PMM1: variants seen among roughly 807,000 people sequenced by gnomAD.
PMM1 encodes brain glucose-1,6-bisphosphatase.
Under a neutral mutation model 34.0 loss-of-function variants are expected in PMM1, and 25 were observed. The observed-to-expected ratio is 0.73, with a 90% CI of 0.54 to 1.03. The LOEUF is 1.03. Among genes scored for constraint, PMM1 ranks in the 50% least tolerant of loss-of-function variants. The pLI, the probability that PMM1 is intolerant of heterozygous loss-of-function variation, is 0.00. For synonymous variants in PMM1, 134 were observed against 143.9 expected (o/e 0.93, Z 0.49); for missense variants, 321 against 350.1 (o/e 0.92, Z 0.66).
intron 5 of PMM1, chr22:41,579,597 C>T (rs1309475532): frequency 6.6e-6 from 1 of 152,580 alleles, no homozygotes; most frequent in Non-Finnish European, 1.5e-5. Flanking sequence ...CGAGACCGGG[C>T]TGGGAAGTCT....
intron 7 of PMM1, 131 bp downstream of exon 7, chr22:41,577,677 C>A (rs980570516): frequency 1.5e-5 from 12 of 774,504 alleles, no homozygotes; most frequent in Non-Finnish European, 4.3e-6. Context: ...TCTCCAGGAG[C>A]CCCCTAAGAG....
chr22:41,589,577 C>T, intron 1 of PMM1, 142 bp downstream of exon 1: 2 of 702,236 alleles, frequency 2.8e-6, no homozygotes, highest in Non-Finnish European at 4.8e-6. Context: ...TGGGTGGCCC[C>T]GGATGTCAGG....
At chr22:41,588,452 A>G (rs1354712506) in intron 1 of PMM1, among the ~76,000 whole-genome samples, 2 of 152,312 alleles carry the variant, frequency 1.3e-5, no homozygotes, top group East Asian at 3.9e-4. Flanking sequence ...AACTCCTGAC[A>G]TCGTGATCTG....
chr22:41,589,770 C>G lies in PMM1; in HGVS notation c.36G>C (p.Glu12Asp). The G allele has an allele frequency of 6.2e-7, 1 of 1,610,978 alleles. No homozygotes were observed. The highest frequency in any genetic ancestry group is 8.5e-7 in the Non-Finnish European group (1 of 1,179,292). ...AVTAQAARRKERVLCLFDVDG... is the reference protein window; with the variant it reads ...AVTAQAARRKDRVLCLFDVDG... Reference sequence around the variant, plus strand: ...CCACGTCAAACAGGCAGAGGACGCGCTCCTTCCTGCGGGCTGCCTGGGCGG... The same window carrying G: ...CCACGTCAAACAGGCAGAGGACGCGGTCCTTCCTGCGGGCTGCCTGGGCGG... The change falls in exon 1 of 8, where the codon GAG becomes GAC. Residue 12 changes from glutamate to aspartate, a missense_variant. Physicochemically the swap from Glu to Asp is conservative, Grantham distance 45 (BLOSUM62 2). Coordinates refer to ENST00000216259, the MANE Select transcript of PMM1 (RefSeq NM_002676.3).
At chr22:41,587,326 G>C (rs1412394129) in intron 1 of PMM1, among the ~76,000 whole-genome samples, 2 of 151,132 alleles carry the variant, frequency 1.3e-5, no homozygotes, top group African/African-American at 4.9e-5. Flanking sequence ...TGTAATCCCA[G>C]CTACTCAGGA....
At chr22:41,589,595 G>T (rs1266905403) in intron 1 of PMM1, 124 bp downstream of exon 1, 8 of 817,856 alleles carry the variant, frequency 9.8e-6, no homozygotes, top group Admixed American at 2.6e-5. Flanking sequence ...AGGGGGCCGG[G>T]TACCGCCGCA....
chr22:41,582,022 T>A (rs941809300), intron 5 of PMM1, among the ~76,000 whole-genome samples: 9 of 149,816 alleles, frequency 6.0e-5, no homozygotes, highest in Non-Finnish European at 1.2e-4. Flanking sequence ...CATGTGCCTG[T>A]AGTCCCAGAT....
chr22:41,584,434 G>GT, intron 3 of PMM1, 62 bp from the exon 4 acceptor site: 2 of 1,567,888 alleles, frequency 1.3e-6, no homozygotes, highest in Non-Finnish European at 1.8e-6. Flanking sequence ...GACAGGCACA[G>GT]TGTCTCTCCC....
At chr22:41,589,590 G>A in intron 1 of PMM1, 129 bp downstream of exon 1, 3 of 770,810 alleles carry the variant, frequency 3.9e-6, no homozygotes, top group Non-Finnish European at 4.2e-6. Flanking sequence ...ATGTCAGGGG[G>A]CCGGGTACCG....
At position 41,577,873 on chromosome 22, in the gene PMM1, A is replaced by G; in HGVS notation, c.601T>C (p.Cys201Arg). 6.2e-7 allele frequency: 1 copy of G among 1,613,564 alleles called. No individual in the cohort carries two copies. The highest frequency in any genetic ancestry group is 8.5e-7 in the Non-Finnish European group (1 of 1,179,988). The change falls in exon 7 of 8, where the codon TGC becomes CGC. Residue 201 changes from cysteine to arginine, a missense_variant. Cys to Arg is a radical substitution (Grantham distance 180). Transcript: ENST00000216259. ...CTGTCCTGGTCCAGGCTATCCAGGC[A>G]GTAGCGCTTGTCCCAGCCCTCGGGG... The part of the protein sequence containing the change: ...VFPEGWDKRY[C>R]LDSLDQDSFD...
At chr22:41,578,389 G>A (rs1423037899) in intron 6 of PMM1, among the ~76,000 whole-genome samples, 1 of 152,192 alleles carries the variant, frequency 6.6e-6, no homozygotes, top group Non-Finnish European at 1.5e-5. Flanking sequence ...GGCCACTGGG[G>A]AATGGGTGAG....
intron 3 of PMM1, 28 bp from the exon 4 acceptor site, chr22:41,584,400 G>A (rs377471692): frequency 1.2e-5 from 19 of 1,607,286 alleles, no homozygotes; most frequent in East Asian, 4.5e-5. Flanking sequence ...GGCTCTGAGC[G>A]TGGCCTGGGC....
intron 6 of PMM1, 29 bp from the exon 7 acceptor site, chr22:41,577,952 C>T (rs1193554745): frequency 5.8e-6 from 9 of 1,539,442 alleles, no homozygotes; most frequent in Non-Finnish European, 8.1e-6. Context: ...ACTGTTATTC[C>T]CTGCTGGGAG....
chr22:41,580,643 G>C (rs759470494), intron 5 of PMM1: 57 of 152,154 alleles, frequency 3.7e-4, no homozygotes, highest in African/African-American at 1.3e-3. Context: ...CGTGTATTGG[G>C]GGGGAAGGGT....
chr22:41,581,818 C>T (rs2067250034), intron 5 of PMM1, among the ~76,000 whole-genome samples: 1 of 152,160 alleles, frequency 6.6e-6, no homozygotes, highest in Non-Finnish European at 1.5e-5. Context: ...GAAACCCCGT[C>T]TCTACTAAAA....
chr22:41,579,948 A>G (rs2067223124), intron 5 of PMM1: 1 of 152,308 alleles, frequency 6.6e-6, no homozygotes, highest in Non-Finnish European at 1.5e-5. Flanking sequence ...AAAAGCAGAG[A>G]TAAGGGATGT....
At chr22:41,579,928 C>G (rs895401175) in intron 5 of PMM1, 1 of 152,252 alleles carries the variant, frequency 6.6e-6, no homozygotes, top group African/African-American at 2.4e-5. Context: ...TGCCTGCTTC[C>G]CTCTCATGGA....
intron 1 of PMM1, chr22:41,588,712 C>T: frequency 1.0e-6 from 1 of 985,472 alleles, no homozygotes; most frequent in South Asian, 4.7e-5. Context: ...AGGAAGGCCT[C>T]CAGGGCCCAA....
At chr22:41,583,694 T>C (rs561775424) in intron 5 of PMM1, among the ~76,000 whole-genome samples, 1 of 152,018 alleles carries the variant, frequency 6.6e-6, no homozygotes, top group East Asian at 1.9e-4. Context: ...TTGGACCCGA[T>C]GTGGGTGGGA....
Sources: allele counts gnomAD v4.1 joint callset (sites outside exome capture counted in the v4.1 genomes callset), GRCh38; gene constraint gnomAD v4.1.1; transcripts MANE v1.5; gene names NCBI Gene and HGNC (gene_info 2026-07-23, HGNC 2026-07-21).